The following PRKAG2 variants were observed in gnomAD, a reference collection of about 807,000 sequenced individuals.
PRKAG2 encodes protein kinase AMP-activated non-catalytic subunit gamma 2.
PRKAG2 carries 26 observed loss-of-function variants against 69.6 expected under a neutral mutation model. The ratio of observed to expected loss-of-function variants is 0.37; its 90% confidence interval spans 0.27 to 0.52. The LOEUF (loss-of-function observed/expected upper bound fraction) is 0.52, where lower values mean the gene tolerates loss of function less well. Ranked by LOEUF, PRKAG2 falls within the 20% of genes least tolerant of loss-of-function variation. The pLI, the probability that PRKAG2 is intolerant of heterozygous loss-of-function variation, is 0.90. For synonymous variants in PRKAG2, 293 were observed against 285.0 expected (o/e 1.03, Z -0.28); for missense variants, 557 against 740.0 (o/e 0.75, Z 2.87).
chr7:151,754,947 G>A (rs1380032525), intron 3 of PRKAG2, among the ~76,000 whole-genome samples: 1 of 152,076 alleles, frequency 6.6e-6, no homozygotes, highest in African/African-American at 2.4e-5. Flanking sequence ...GTCGCTGCAG[G>A]CTCTCTGAGA....
chr7:151,774,978 T>C (rs1174227075), intron 3 of PRKAG2, among the ~76,000 whole-genome samples: 1 of 152,220 alleles, frequency 6.6e-6, no homozygotes, highest in Admixed American at 6.5e-5. Context: ...GGGCATTACC[T>C]TGAGACAGAA....
In PRKAG2 at chr7:151,781,481, C is replaced by T; in HGVS notation, c.187-50G>A. 6.4e-7 allele frequency: 1 copy of T among 1,551,036 alleles called. No individual in the cohort carries two copies. Among genetic ancestry groups the T allele is most frequent in the Admixed American group, 1.9e-5 (1 of 52,002 alleles). ...GCAGTCACTCCACGCTCTGGACACG[C>T]TGCCTCCTGCCCTGTATGAAACTTA... On this transcript the variant is annotated intron_variant, in intron 2 of 15. Coordinates refer to ENST00000287878, the MANE Select transcript of PRKAG2 (RefSeq NM_016203.4). This position sits in a 1 kb window ranked among gnomAD's most constrained non-coding sequence, Gnocchi z 6.1.
intron 3 of PRKAG2, among the ~76,000 whole-genome samples, chr7:151,761,323 C>T (rs1330648543): frequency 6.6e-6 from 1 of 152,302 alleles, no homozygotes; most frequent in East Asian, 1.9e-4. Flanking sequence ...AAATGACAAC[C>T]AGCCATTGTC....
chr7:151,588,423 T>C (rs1300984198), intron 6 of PRKAG2, among the ~76,000 whole-genome samples: 2 of 151,888 alleles, frequency 1.3e-5, no homozygotes, highest in Non-Finnish European at 2.9e-5. Context: ...GTGCAAGTGG[T>C]GCAATCTTGG....
At chr7:151,752,351 T>C (rs971731476) in intron 3 of PRKAG2, among the ~76,000 whole-genome samples, 2 of 151,970 alleles carry the variant, frequency 1.3e-5, no homozygotes, top group South Asian at 2.1e-4. Context: ...GGCTAAATAA[T>C]AAGAACTTAC....
At chr7:151,645,214 A>G (rs1827359237) in intron 4 of PRKAG2, among the ~76,000 whole-genome samples, 2 of 152,206 alleles carry the variant, frequency 1.3e-5, no homozygotes, top group African/African-American at 4.8e-5. Flanking sequence ...GCTTCTGTCT[A>G]TATACATAAG....
chr7:151,737,984 C>T (rs7781525), intron 3 of PRKAG2, among the ~76,000 whole-genome samples: 14,052 of 34,264 alleles, frequency 0.41, 3,241 homozygotes, highest in East Asian at 0.73. Context: ...AGATCTGCCA[C>T]TCCCACGGGG....
chr7:151,741,307 T>C (rs1423470012), intron 3 of PRKAG2, among the ~76,000 whole-genome samples: 1 of 152,102 alleles, frequency 6.6e-6, no homozygotes, highest in Admixed American at 6.6e-5. Flanking sequence ...AAGAGGCAGA[T>C]TTGATTAAAA....
chr7:151,750,188 T>G (rs867605457), intron 3 of PRKAG2, among the ~76,000 whole-genome samples: 2 of 151,198 alleles, frequency 1.3e-5, no homozygotes, highest in Non-Finnish European at 2.9e-5. Context: ...TGTAAAACAC[T>G]GCACTGTGGA....
intron 3 of PRKAG2, among the ~76,000 whole-genome samples, chr7:151,696,918 C>G (rs1361454250): frequency 6.6e-6 from 1 of 152,068 alleles, no homozygotes; most frequent in Non-Finnish European, 1.5e-5. Flanking sequence ...TCCTTAGGAC[C>G]AGGCGCTGCC....
At position 151,565,824 on chromosome 7, in the gene PRKAG2, G is replaced by A. The variant is rs760879406; in HGVS notation, c.1295C>T (p.Thr432Met). Residue 432 changes from threonine to methionine, a missense_variant, in exon 12 of 16, where the codon ACG (threonine) becomes ATG (methionine). By Grantham distance (81) the Thr-to-Met change is moderately conservative (BLOSUM62 -1). Around this residue, in one of 2 missense-constraint regions of PRKAG2, gnomAD observed 205 missense variants for 383.4 expected, o/e 0.53. Coordinates refer to ENST00000287878, the MANE Select transcript of PRKAG2 (RefSeq NM_016203.4). ...ATGTATGAAGGCAATGTTGTGGTAC[G>A]TTCCTATTCCAAGCTCATCCAGGTT... ...KQNLDELGIG[T>M]YHNIAFIHPD... is the part of the protein sequence containing the mutation. 6.2e-6 allele frequency: 10 copies of A among 1,612,332 alleles called. No homozygotes were observed. The highest frequency in any genetic ancestry group is 7.6e-6 in the Non-Finnish European group (9 of 1,178,454).
chr7:151,833,997 C>T (rs1881624), intron 1 of PRKAG2, among the ~76,000 whole-genome samples: 68,923 of 151,970 alleles, frequency 0.45, 16,283 homozygotes, highest in Middle Eastern at 0.54. Flanking sequence ...GCAGGGATAA[C>T]AGAATAGTGA....
chr7:151,564,578 AG>A (rs1805801460), intron 13 of PRKAG2, among the ~76,000 whole-genome samples: 1 of 152,198 alleles, frequency 6.6e-6, no homozygotes, highest in African/African-American at 2.4e-5. Context: ...ACATCTGTAA[AG>A]GGTGGTGAGT....
At chr7:151,824,820 T>G (rs2078870909) in intron 1 of PRKAG2, among the ~76,000 whole-genome samples, 1 of 152,224 alleles carries the variant, frequency 6.6e-6, no homozygotes. Context: ...CCAGCGGAAC[T>G]CAGCCGACAC....
intron 3 of PRKAG2, among the ~76,000 whole-genome samples, chr7:151,714,447 CG>C (rs1563503482): frequency 4.4e-5 from 3 of 67,964 alleles, no homozygotes; most frequent in African/African-American, 1.9e-4. Context: ...ATCCGCGACC[CG>C]CCGTCCTCCC....
At position 151,564,233 on chromosome 7, in the gene PRKAG2, A is replaced by G. The variant is rs771451875; in HGVS notation, c.1438-9T>C. On this transcript the variant is annotated splice_polypyrimidine_tract_variant and intron_variant, in intron 13 of 15. Transcript: ENST00000287878. ...TTCTCAGCAGCAAGATTCTGTAATG[A>G]AGCAAGAGAATAAATTATATCCTTT... 12 of 1,613,814 alleles carry G rather than the reference A, an allele frequency of 7.4e-6. No homozygotes were observed. Among genetic ancestry groups the G allele is most frequent in the Non-Finnish European group, 1.0e-5 (12 of 1,179,830 alleles).
chr7:151,842,406 G>GAT (rs1563746938), intron 1 of PRKAG2, among the ~76,000 whole-genome samples: 22 of 121,122 alleles, frequency 1.8e-4, no homozygotes, highest in African/African-American at 4.1e-4. Flanking sequence ...TGGTAGGTGG[G>GAT]GATGGTAGTG....
At chr7:151,659,790 T>C (rs953163572) in intron 4 of PRKAG2, among the ~76,000 whole-genome samples, 1 of 152,252 alleles carries the variant, frequency 6.6e-6, no homozygotes, top group Non-Finnish European at 1.5e-5. Context: ...TATTTCAGCA[T>C]GGAGGGCTAT....
intron 1 of PRKAG2, among the ~76,000 whole-genome samples, chr7:151,841,650 GT>G (rs2079290502): frequency 2.3e-5 from 3 of 128,596 alleles, no homozygotes; most frequent in Admixed American, 7.5e-5. Context: ...ATGGTAGGTA[GT>G]GATGATGGTA....
Sources: allele counts gnomAD v4.1 joint callset (sites outside exome capture counted in the v4.1 genomes callset), GRCh38; gene constraint gnomAD v4.1.1; regional missense constraint gnomAD v4.1.1; non-coding constraint Gnocchi (gnomAD v3.1); transcripts MANE v1.5; gene names NCBI Gene and HGNC (gene_info 2026-07-23, HGNC 2026-07-21).